GABARAPL1: variants seen among roughly 807,000 people sequenced by gnomAD.
GABARAPL1 encodes the protein GABA type A receptor associated protein like 1, also known as gamma-aminobutyric acid receptor-associated protein-like 1.
Under a neutral mutation model 14.5 loss-of-function variants are expected in GABARAPL1, and 4 were observed. That is an observed-to-expected ratio of 0.28 (90% confidence interval 0.14 to 0.63). The LOEUF (loss-of-function observed/expected upper bound fraction) is 0.63. Ranked by LOEUF, GABARAPL1 falls within the 30% of genes least tolerant of loss-of-function variation. The probability of loss-of-function intolerance (pLI) is 0.84; values close to 1 mark genes in which losing one functional copy is unlikely to be tolerated. For synonymous variants in GABARAPL1, 47 were observed against 50.6 expected (o/e 0.93, Z 0.30); for missense variants, 82 against 139.2 (o/e 0.59, Z 2.07).
At position 10,212,999 on chromosome 12, in the gene GABARAPL1, CTGTTG is replaced by C; in HGVS notation, c.-130_-126del. 1.6e-6 allele frequency: 1 copy of C among 636,444 alleles called. No homozygotes were observed. The highest frequency in any genetic ancestry group is 2.9e-6 in the Non-Finnish European group (1 of 345,646). 39.4% of individuals were successfully genotyped at this position (636,444 alleles called of 1,614,324 possible). On this transcript the variant is annotated 5_prime_UTR_variant, in exon 1 of 4. Coordinates refer to ENST00000266458, the MANE Select transcript of GABARAPL1 (RefSeq NM_031412.4). ...CCCCCCCTGCACACTCGGCCCAGCG[CTGTTG>C]CCCCCGGAGCGGACGTTTCTGCAGC...
chr12:10,213,455 G>A, intron 1 of GABARAPL1: 1 of 551,154 alleles, frequency 1.8e-6, no homozygotes, highest in East Asian at 3.5e-5. Context: ...CGTTTTGGGG[G>A]CCGAGCCGCC....
chr12:10,215,966 T>C (rs1487296398), intron 1 of GABARAPL1, among the ~76,000 whole-genome samples: 2 of 152,074 alleles, frequency 1.3e-5, no homozygotes, highest in Non-Finnish European at 2.9e-5. Flanking sequence ...CCCAAGTTAA[T>C]TATGTTAGAT....
intron 2 of GABARAPL1, among the ~76,000 whole-genome samples, chr12:10,218,823 C>A (rs1450877866): frequency 6.6e-6 from 1 of 151,534 alleles, no homozygotes; most frequent in Non-Finnish European, 1.5e-5. Flanking sequence ...ATTCTCCTGC[C>A]TCAGCCTGCC....
At chr12:10,220,938 G>A (rs900557994) in intron 3 of GABARAPL1, 2 of 1,308,260 alleles carry the variant, frequency 1.5e-6, no homozygotes, top group Middle Eastern at 2.9e-4. Context: ...TCAGAATCCA[G>A]TTCATTATTT....
rs1324815752 is a variant in GABARAPL1, at chr12:10,212,933, C to T, written c.-197C>T. 1 of 566,854 alleles carries T rather than the reference C, an allele frequency of 1.8e-6. No individual in the cohort carries two copies. The highest frequency in any genetic ancestry group is 3.2e-6 in the Non-Finnish European group (1 of 313,824). The allele number at this position is 566,854 out of a possible 1,614,324, so 35.1% of individuals were successfully genotyped here. A position where few individuals can be genotyped will look rare whatever the true frequency, so the allele number is the denominator to read the frequency against. On this transcript the variant is annotated 5_prime_UTR_variant, in exon 1 of 4. Coordinates refer to ENST00000266458, the MANE Select transcript of GABARAPL1 (RefSeq NM_031412.4). ...GCCGGTATTTCTCCATCTGGCTCTCCTCTACCTCCAGGCAGGCTCACCCGA... is the reference window on the plus strand; with the variant it reads ...GCCGGTATTTCTCCATCTGGCTCTCTTCTACCTCCAGGCAGGCTCACCCGA...
chr12:10,216,625 T>G (rs1592004488), intron 1 of GABARAPL1, among the ~76,000 whole-genome samples: 1 of 149,886 alleles, frequency 6.7e-6, no homozygotes, highest in Admixed American at 6.7e-5. Flanking sequence ...CCGCAACCTC[T>G]GCCTCCCAGG....
intron 2 of GABARAPL1, among the ~76,000 whole-genome samples, chr12:10,218,512 G>T (rs1949102847): frequency 6.6e-6 from 1 of 151,938 alleles, no homozygotes; most frequent in African/African-American, 2.4e-5. Flanking sequence ...GGCAGAGCTT[G>T]CAGTGAGCCG....
intron 3 of GABARAPL1, chr12:10,220,818 G>A (rs1034057509): frequency 1.3e-5 from 19 of 1,429,194 alleles, no homozygotes; most frequent in Non-Finnish European, 1.7e-5. Context: ...TTTTAATGCT[G>A]GACTGTTTAT....
At chr12:10,219,379 A>G (rs554181362) in intron 2 of GABARAPL1, among the ~76,000 whole-genome samples, 21 of 152,228 alleles carry the variant, frequency 1.4e-4, no homozygotes, top group Middle Eastern at 3.4e-3. Flanking sequence ...TGTGATATCA[A>G]TTTGTTCCAA....
chr12:10,213,748 C>T (rs1949071860), intron 1 of GABARAPL1: 2 of 409,900 alleles, frequency 4.9e-6, no homozygotes, highest in Admixed American at 6.1e-5. Context: ...TCTTGCATTA[C>T]AGGGGGTTAG....
At chr12:10,221,685 T>A in intron 3 of GABARAPL1, 102 bp from the exon 4 acceptor site, 1 of 1,328,822 alleles carries the variant, frequency 7.5e-7, no homozygotes, top group Non-Finnish European at 1.1e-6. Flanking sequence ...TGGGGACTAA[T>A]GATACCTTCC....
chr12:10,219,229 G>A (rs1380395514), intron 2 of GABARAPL1, among the ~76,000 whole-genome samples: 3 of 151,572 alleles, frequency 2.0e-5, no homozygotes, highest in Admixed American at 6.6e-5. Flanking sequence ...CAAGGCTGGA[G>A]AATGGCTTGA....
chr12:10,215,693 C>CT (rs1471185773), intron 1 of GABARAPL1, among the ~76,000 whole-genome samples: 1 of 152,090 alleles, frequency 6.6e-6, no homozygotes, highest in Non-Finnish European at 1.5e-5. Flanking sequence ...GTTTTTATCT[C>CT]TTACTGCTAG....
chr12:10,213,933 C>T (rs1949073313), intron 1 of GABARAPL1: 2 of 453,562 alleles, frequency 4.4e-6, no homozygotes, highest in Non-Finnish European at 8.9e-6. Context: ...GTTTTTTCTC[C>T]GTTTTGGACA....
intron 2 of GABARAPL1, among the ~76,000 whole-genome samples, chr12:10,220,173 T>G (rs1343974677): frequency 2.0e-5 from 3 of 152,176 alleles, no homozygotes; most frequent in African/African-American, 7.2e-5. Flanking sequence ...TTTGAGTGGA[T>G]ATGCTAACAT....
At chr12:10,216,331 A>G (rs1949088240) in intron 1 of GABARAPL1, among the ~76,000 whole-genome samples, 1 of 151,962 alleles carries the variant, frequency 6.6e-6, no homozygotes, top group Non-Finnish European at 1.5e-5. Flanking sequence ...AGATCAGGCC[A>G]CTGCACGCCA....
chr12:10,220,632 C>T (rs1389629818), intron 3 of GABARAPL1, 74 bp downstream of exon 3: 9 of 1,604,798 alleles, frequency 5.6e-6, no homozygotes, highest in African/African-American at 1.3e-5. Context: ...GTTCTAGATG[C>T]GTTGATAACA....
chr12:10,221,578 T>G (rs1949120436), intron 3 of GABARAPL1: 2 of 465,562 alleles, frequency 4.3e-6, no homozygotes, highest in Non-Finnish European at 5.6e-6. Flanking sequence ...CTGATACCTA[T>G]GTGTAATATG....
intron 3 of GABARAPL1, chr12:10,221,193 T>C (rs1422642904): frequency 2.0e-6 from 2 of 977,350 alleles, no homozygotes; most frequent in African/African-American, 3.5e-5. Context: ...AAATGAAATA[T>C]AAAATTAAGG....
Sources: allele counts gnomAD v4.1 joint callset (sites outside exome capture counted in the v4.1 genomes callset), GRCh38; gene constraint gnomAD v4.1.1; transcripts MANE v1.5; gene names NCBI Gene and HGNC (gene_info 2026-07-23, HGNC 2026-07-21).